MACF1: variants seen among roughly 807,000 people sequenced by gnomAD.
MACF1 encodes microtubule-actin cross-linking factor 1.
In MACF1, 193 loss-of-function variants were observed where a neutral mutation model predicts 854.8. The observed-to-expected ratio is 0.23, with a 90% confidence interval of 0.20 to 0.25. The LOEUF (loss-of-function observed/expected upper bound fraction) is 0.25. Among genes scored for constraint, MACF1 ranks in the 10% least tolerant of loss-of-function variants. MACF1 has a pLI of 1.00. For synonymous variants in MACF1, 3,185 were observed against 3,226.7 expected (o/e 0.99, Z 0.44); for missense variants, 7,722 against 8,929.1 (o/e 0.86, Z 5.45).
intron 44 of MACF1, among the ~76,000 whole-genome samples, chr1:39,355,460 C>A (rs1216461975): frequency 2.5e-5 from 2 of 81,054 alleles, no homozygotes; most frequent in Non-Finnish European, 4.5e-5. Context: ...TTTTCTTCTG[C>A]TTTTTTTTTT....
chr1:39,303,714 A>T (rs1214687011), intron 23 of MACF1, among the ~76,000 whole-genome samples: 4 of 147,924 alleles, frequency 2.7e-5, no homozygotes, highest in Non-Finnish European at 5.9e-5. Context: ...AAAAAAAAAA[A>T]TTTGCCGGGC....
chr1:39,434,088 A>G (rs895629047), intron 68 of MACF1, among the ~76,000 whole-genome samples: 1 of 152,078 alleles, frequency 6.6e-6, no homozygotes, highest in African/African-American at 2.4e-5. Context: ...TCAAAAACAT[A>G]TATAATAATA....
At chr1:39,164,897 T>C (rs537421240) in intron 2 of MACF1, among the ~76,000 whole-genome samples, 60 of 152,360 alleles carry the variant, frequency 3.9e-4, no homozygotes, top group African/African-American at 1.4e-3. Flanking sequence ...TAAATCAATG[T>C]ATTACAGCCA....
intron 28 of MACF1, 89 bp downstream of exon 28, chr1:39,316,618 C>T: frequency 2.2e-6 from 3 of 1,339,246 alleles, no homozygotes; most frequent in Non-Finnish European, 3.0e-6. Context: ...TGGCATGACA[C>T]TGATTTAAAT....
intron 97 of MACF1, among the ~76,000 whole-genome samples, chr1:39,476,992 A>G (rs1644897039): frequency 7.2e-6 from 1 of 139,036 alleles, no homozygotes. Context: ...GGGCCTGTCC[A>G]CAGTCCCGTT....
upstream of MACF1, among the ~76,000 whole-genome samples, chr1:39,203,479 A>T (rs1043431303): frequency 3.3e-5 from 5 of 152,224 alleles, no homozygotes; most frequent in Non-Finnish European, 7.3e-5. Flanking sequence ...TGCAGGGATT[A>T]CAAGCATGAG....
At chr1:39,202,954 C>G (rs1418699919), upstream of MACF1, among the ~76,000 whole-genome samples, 1 of 152,162 alleles carries the variant, frequency 6.6e-6, no homozygotes, top group Non-Finnish European at 1.5e-5. Flanking sequence ...GTGGTCCCGT[C>G]AAGGCCCCTT....
intron 55 of MACF1, among the ~76,000 whole-genome samples, chr1:39,381,412 G>A (rs1449052403): frequency 1.4e-5 from 2 of 141,372 alleles, no homozygotes; most frequent in Admixed American, 7.7e-5. Context: ...CTGTCACCCA[G>A]GCTGGAGTAC....
chr1:39,406,066 C>T (rs1642686756), intron 58 of MACF1, among the ~76,000 whole-genome samples: 1 of 152,150 alleles, frequency 6.6e-6, no homozygotes, highest in Non-Finnish European at 1.5e-5. Context: ...TTTCTAAACA[C>T]ATACTGATGA....
intron 23 of MACF1, among the ~76,000 whole-genome samples, chr1:39,308,099 T>C (rs1407721443): frequency 6.6e-6 from 1 of 151,798 alleles, no homozygotes; most frequent in Non-Finnish European, 1.5e-5. Flanking sequence ...AGAGACGGGG[T>C]TTCACCATGT....
intron 58 of MACF1, chr1:39,412,969 T>G (rs1643091020): frequency 6.3e-7 from 1 of 1,591,022 alleles, no homozygotes. Context: ...TGCTGCAGTA[T>G]CAGCCCCAGA....
chr1:39,316,590 G>C, intron 28 of MACF1, 61 bp downstream of exon 28: 1 of 1,528,130 alleles, frequency 6.5e-7, no homozygotes. Flanking sequence ...TGGGTTAGCA[G>C]AGAAATGCAA....
chr1:39,197,747 A>C (rs1644338294), intron 2 of MACF1, among the ~76,000 whole-genome samples: 1 of 152,108 alleles, frequency 6.6e-6, no homozygotes, highest in Non-Finnish European at 1.5e-5. Flanking sequence ...TATAGCCAGC[A>C]TGGTGATGCA....
At chr1:39,445,005 T>C (rs1268274122) in intron 80 of MACF1, among the ~76,000 whole-genome samples, 170 bp downstream of exon 80, 2 of 152,196 alleles carry the variant, frequency 1.3e-5, no homozygotes, top group East Asian at 3.8e-4. Context: ...TCTGTTGTTA[T>C]TTGCTTTTAT....
At position 39,335,699 on chromosome 1, in the gene MACF1, T is replaced by A; in HGVS notation, c.9111T>A (p.Ile3037=). 6.2e-7 allele frequency: 1 copy of A among 1,613,328 alleles called. No individual in the cohort carries two copies. The highest frequency in any genetic ancestry group is 8.5e-7 in the Non-Finnish European group (1 of 1,179,848). ...CTGATACAGAAATGGGATTTTCTAT[T>A]ACTTTTAAAATTGAAGAGTCCTCTT... ...KEADTEMGFS[I]TFKIEESSSQ... The change falls in exon 37 of 101, where the codon ATT becomes ATA. Residue 3037 remains isoleucine, a synonymous_variant. Transcript: ENST00000564288.
rs1645598288 is a variant in MACF1 at position 39,283,882 on chromosome 1, T to C, written c.916-184T>C. On this transcript the variant is annotated intron_variant, in intron 9 of 100. Transcript: ENST00000564288. This position sits in a 1 kb window ranked among gnomAD's most constrained non-coding sequence, Gnocchi z 4.5. ...TGTAGCCTTTCTTAGTGTCAGGAAA[T>C]TGAACCCCATCCTGAGAGCCCTTGA... Among the ~76,000 whole-genome samples, 1 of 152,144 alleles carries C rather than the reference T, an allele frequency of 6.6e-6. No individual in the cohort carries two copies. Among genetic ancestry groups the C allele is most frequent in the Non-Finnish European group, 1.5e-5 (1 of 68,020 alleles).
chr1:39,322,483 G>A (rs1024241312), intron 31 of MACF1, 125 bp from the exon 32 acceptor site: 6 of 730,756 alleles, frequency 8.2e-6, no homozygotes, highest in Non-Finnish European at 1.4e-5. Context: ...TACAGGAAAA[G>A]TTTGCTAACC....
chr1:39,465,789 T>G (rs1035243936), intron 95 of MACF1, among the ~76,000 whole-genome samples: 3 of 152,222 alleles, frequency 2.0e-5, no homozygotes, highest in African/African-American at 7.2e-5. Context: ...CTCTCTGATA[T>G]GAAATTATAA....
chr1:39,092,961 T>G (rs941164028), intron 2 of MACF1, among the ~76,000 whole-genome samples: 3 of 152,000 alleles, frequency 2.0e-5, no homozygotes, highest in African/African-American at 7.3e-5. Flanking sequence ...TTTTTTGTAT[T>G]TTTTAGTAGA....
Sources: allele counts gnomAD v4.1 joint callset (sites outside exome capture counted in the v4.1 genomes callset), GRCh38; gene constraint gnomAD v4.1.1; non-coding constraint Gnocchi (gnomAD v3.1); transcripts MANE v1.5; gene names NCBI Gene and HGNC (gene_info 2026-07-23, HGNC 2026-07-21).